LDLRAD4: variants seen among roughly 807,000 people sequenced by gnomAD.
LDLRAD4 encodes low density lipoprotein receptor class A domain containing 4.
In LDLRAD4, 5 loss-of-function variants were observed where a neutral mutation model predicts 17.0. That is an observed-to-expected ratio of 0.29 (90% CI 0.15 to 0.62). The LOEUF (loss-of-function observed/expected upper bound fraction) is 0.62. Ranked by LOEUF, LDLRAD4 falls within the 20% of genes least tolerant of loss-of-function variation. The pLI, the probability that LDLRAD4 is intolerant of heterozygous loss-of-function variation, is 0.84. For synonymous variants in LDLRAD4, 168 were observed against 171.8 expected, an observed-to-expected ratio of 0.98 and a Z score of 0.17; for missense variants, 340 against 424.7, an observed-to-expected ratio of 0.80 and a Z score of 1.75.
At chr18:13,380,733 G>A (rs2085293703) in intron 1 of LDLRAD4, among the ~76,000 whole-genome samples, 1 of 152,198 alleles carries the variant, frequency 6.6e-6, no homozygotes, top group Non-Finnish European at 1.5e-5. Context: ...TTTGCAGCCT[G>A]TGTGTGTCTT....
intron 1 of LDLRAD4, among the ~76,000 whole-genome samples, chr18:13,286,566 T>A (rs1452970553): frequency 6.6e-6 from 1 of 152,186 alleles, no homozygotes; most frequent in Non-Finnish European, 1.5e-5. Context: ...AGAGATGAGG[T>A]CTCACTATGT....
intron 3 of LDLRAD4, among the ~76,000 whole-genome samples, chr18:13,492,248 C>A (rs1235191502): frequency 6.6e-6 from 1 of 152,222 alleles, no homozygotes; most frequent in East Asian, 1.9e-4. Context: ...CAGGACTCAT[C>A]CACCCCAGTG....
At chr18:13,346,973 G>A (rs1411045446) in intron 1 of LDLRAD4, among the ~76,000 whole-genome samples, 50 of 152,170 alleles carry the variant, frequency 3.3e-4, no homozygotes, top group African/African-American at 9.9e-4. Flanking sequence ...GTCTCTACAC[G>A]TGAGATGGGT....
intron 1 of LDLRAD4, among the ~76,000 whole-genome samples, chr18:13,297,764 C>T (rs2046353376): frequency 1.3e-5 from 2 of 152,230 alleles, no homozygotes; most frequent in Admixed American, 6.5e-5. Flanking sequence ...CCCACCACTG[C>T]ACTCCAGCTA....
chr18:13,314,394 G>T, intron 1 of LDLRAD4, among the ~76,000 whole-genome samples: 1 of 152,156 alleles, frequency 6.6e-6, no homozygotes, highest in East Asian at 1.9e-4. Context: ...TTGAAAAAGC[G>T]ATTTCTTAAT....
intron 2 of LDLRAD4, among the ~76,000 whole-genome samples, chr18:13,423,196 C>A (rs187420818): frequency 6.6e-6 from 1 of 152,058 alleles, no homozygotes; most frequent in African/African-American, 2.4e-5. Context: ...TAAAGAAGGC[C>A]GGGCTTGGTG....
At chr18:13,592,845 G>C (rs775562252) in intron 3 of LDLRAD4, among the ~76,000 whole-genome samples, 3 of 152,170 alleles carry the variant, frequency 2.0e-5, no homozygotes, top group Non-Finnish European at 2.9e-5. Context: ...AAAGGGAGTG[G>C]AAAGAGACCA....
Position 13,560,825 on chromosome 18 carries a change from A to G in LDLRAD4, c.182-60292A>G, listed in dbSNP as rs549471900. Among the ~76,000 whole-genome samples the G allele has an allele frequency of 5.9e-5, 9 of 152,354 alleles. No homozygotes were observed. The South Asian group carries it at 1.9e-3, about 32-fold the overall frequency. ...TAGTTGTTGCTGTGGCTGAGAAGAA[A>G]GTAGAGAACAGAGTGCAGACCTGCG... On this transcript the variant is annotated intron_variant, in intron 3 of 5. Transcript: ENST00000359446.
Position 13,584,941 on chromosome 18 carries a change from G to C in LDLRAD4, c.182-36176G>C, listed in dbSNP as rs559529048. ...CTTTGCTGCCCACGTAGGCAATTAG[G>C]GTGTCCTTATCCTTCGGTTCCACTG... On this transcript the variant is annotated intron_variant, in intron 3 of 5. Transcript: ENST00000359446. Among the ~76,000 whole-genome samples the C allele has an allele frequency of 2.6e-5, 4 of 152,292 alleles. No homozygotes were observed. The East Asian group carries it at 7.7e-4, about 29-fold the overall frequency.
At chr18:13,567,752 TAA>T (rs3833176) in intron 3 of LDLRAD4, among the ~76,000 whole-genome samples, 1,793 of 150,184 alleles carry the variant, frequency 0.012, 31 homozygotes, top group African/African-American at 0.037. Flanking sequence ...CTTTTTTTGT[TAA>T]AAAAAAAAAA....
rs191711577 is a variant in LDLRAD4, at chr18:13,232,798, C to T, written c.-467+13810C>T. On this transcript the variant is annotated intron_variant, in intron 1 of 5. Transcript: ENST00000399848. ...AGGAAGCGCCACCTCCAGCCATGCT[C>T]CCTGGAAGCTGCGTGTGGGAGAGGC... Among the ~76,000 whole-genome samples the T allele has an allele frequency of 2.0e-5, 3 of 152,320 alleles. No individual in the cohort carries two copies. In the East Asian group the frequency reaches 5.8e-4, roughly 29 times the overall value.
chr18:13,403,326 A>G, intron 2 of LDLRAD4, among the ~76,000 whole-genome samples: 2 of 152,232 alleles, frequency 1.3e-5, no homozygotes, highest in East Asian at 3.8e-4. Flanking sequence ...TGAATAAAAT[A>G]AAACATGGGG....
chr18:13,450,925 T>A (rs779375826), intron 3 of LDLRAD4, among the ~76,000 whole-genome samples: 16 of 151,900 alleles, frequency 1.1e-4, no homozygotes, highest in Non-Finnish European at 1.9e-4. Context: ...GAAAGGTAGG[T>A]GGGGTCAGAT....
At chr18:13,631,233 G>A (rs143764698) in intron 4 of LDLRAD4, among the ~76,000 whole-genome samples, 10 of 152,136 alleles carry the variant, frequency 6.6e-5, no homozygotes, top group Admixed American at 4.6e-4. Context: ...ATAGTGCTAC[G>A]AACAATTGTA....
chr18:13,353,940 G>A (rs1407849963), intron 1 of LDLRAD4, among the ~76,000 whole-genome samples: 1 of 152,208 alleles, frequency 6.6e-6, no homozygotes, highest in Non-Finnish European at 1.5e-5. Context: ...TTGGGTGAAT[G>A]AGGGCCTGGA....
intron 1 of LDLRAD4, among the ~76,000 whole-genome samples, chr18:13,307,659 T>C (rs1309385301): frequency 3.9e-5 from 6 of 152,158 alleles, no homozygotes; most frequent in South Asian, 2.1e-4. Context: ...CCTCAAGTGA[T>C]CCTCCCCCTT....
At chr18:13,293,519 A>T (rs1224069017) in intron 1 of LDLRAD4, among the ~76,000 whole-genome samples, 2 of 152,352 alleles carry the variant, frequency 1.3e-5, no homozygotes, top group East Asian at 3.9e-4. Context: ...TGAGCTGGCC[A>T]GGCCAGTGTC....
intron 3 of LDLRAD4, among the ~76,000 whole-genome samples, chr18:13,502,886 C>T (rs576244336): frequency 3.3e-4 from 50 of 152,336 alleles, no homozygotes; most frequent in African/African-American, 1.2e-3. Flanking sequence ...GGCTGGGATC[C>T]CAGTTGTTGG....
chr18:13,394,023 G>T (rs2145360482), intron 2 of LDLRAD4, among the ~76,000 whole-genome samples: 1 of 152,278 alleles, frequency 6.6e-6, no homozygotes, highest in South Asian at 2.1e-4. Flanking sequence ...CAATTTAGTA[G>T]GTGTAGAAAT....
Sources: allele counts gnomAD v4.1 joint callset (sites outside exome capture counted in the v4.1 genomes callset), GRCh38; gene constraint gnomAD v4.1.1; transcripts MANE v1.5; gene names NCBI Gene and HGNC (gene_info 2026-07-23, HGNC 2026-07-21).